Variants in TNPO1 observed in about 807,000 individuals in gnomAD.
TNPO1 encodes transportin-1.
Under a neutral mutation model 119.5 loss-of-function variants are expected in TNPO1, and 8 were observed. The ratio of observed to expected loss-of-function variants is 0.07; its 90% CI spans 0.04 to 0.12. The LOEUF (loss-of-function observed/expected upper bound fraction) is 0.12. Among genes scored for constraint, TNPO1 ranks in the 10% least tolerant of loss-of-function variants. The pLI, the probability that TNPO1 is intolerant of heterozygous loss-of-function variation, is 1.00. For missense variants in TNPO1, 576 were observed against 1,089.8 expected (o/e 0.53, Z 6.64); for synonymous variants, 362 against 363.0 (o/e 1.00, Z 0.03).
intron 1 of TNPO1, among the ~76,000 whole-genome samples, chr5:72,836,367 C>T (rs561573565): frequency 7.9e-5 from 12 of 152,334 alleles, no homozygotes; most frequent in African/African-American, 2.9e-4. Flanking sequence ...AGAGTTAGCA[C>T]CATGTAGACA....
intron 24 of TNPO1, among the ~76,000 whole-genome samples, chr5:72,907,638 A>G (rs942677047): frequency 3.9e-5 from 6 of 152,214 alleles, no homozygotes; most frequent in Non-Finnish European, 7.3e-5. Context: ...TTTTATCATT[A>G]AAACTGTTTA....
At chr5:72,837,018 G>A (rs547095206) in intron 1 of TNPO1, among the ~76,000 whole-genome samples, 1 of 152,308 alleles carries the variant, frequency 6.6e-6, no homozygotes, top group South Asian at 2.1e-4. Context: ...ATTGAGGCAT[G>A]TCATGCAGCT....
chr5:72,872,537 A>G, intron 6 of TNPO1, 102 bp from the exon 7 acceptor site: 1 of 701,062 alleles, frequency 1.4e-6, no homozygotes, highest in Non-Finnish European at 2.3e-6. Context: ...GTATATTGAT[A>G]GACATATCAT....
chr5:72,890,058 A>T, intron 14 of TNPO1, 101 bp downstream of exon 14: 1 of 1,335,326 alleles, frequency 7.5e-7, no homozygotes, highest in South Asian at 1.3e-5. Flanking sequence ...GGGAGATGTG[A>T]ATAGTTAGCG....
intron 6 of TNPO1, among the ~76,000 whole-genome samples, chr5:72,867,677 C>G (rs1747022716): frequency 6.6e-6 from 1 of 152,200 alleles, no homozygotes; most frequent in Non-Finnish European, 1.5e-5. Context: ...TTTCATACTT[C>G]CCTTACATTT....
At chr5:72,881,366 A>G (rs1580449063) in intron 9 of TNPO1, among the ~76,000 whole-genome samples, 1 of 152,014 alleles carries the variant, frequency 6.6e-6, no homozygotes, top group East Asian at 1.9e-4. Flanking sequence ...GCCTCGACCT[A>G]ATCTGATTCT....
chr5:72,904,871 TC>T (rs1750033568), intron 23 of TNPO1, among the ~76,000 whole-genome samples: 1 of 152,136 alleles, frequency 6.6e-6, no homozygotes, highest in Admixed American at 6.5e-5. Flanking sequence ...GACTCACAGT[TC>T]CATGTGGTTG....
intron 21 of TNPO1, 51 bp downstream of exon 21, chr5:72,900,132 TTCTC>T (rs760939356): frequency 2.7e-6 from 4 of 1,465,366 alleles, no homozygotes; most frequent in South Asian, 2.4e-5. Flanking sequence ...CACTCTTTCT[TTCTC>T]TATCTCACTT....
intron 1 of TNPO1, among the ~76,000 whole-genome samples, chr5:72,840,276 A>G (rs991594069): frequency 2.0e-5 from 3 of 152,156 alleles, no homozygotes; most frequent in Admixed American, 6.5e-5. Context: ...TTTGTTCATT[A>G]CTGTGTGATC....
intron 3 of TNPO1, among the ~76,000 whole-genome samples, chr5:72,852,113 G>A (rs974605187): frequency 6.6e-6 from 1 of 152,076 alleles, no homozygotes; most frequent in Non-Finnish European, 1.5e-5. Context: ...AGCAAAAAGT[G>A]GGATCATTCT....
intron 9 of TNPO1, among the ~76,000 whole-genome samples, chr5:72,881,177 C>T (rs1748216125): frequency 6.6e-6 from 1 of 152,090 alleles, no homozygotes; most frequent in Non-Finnish European, 1.5e-5. Flanking sequence ...GTGGCGCGAT[C>T]TCAGCTCACT....
At chr5:72,836,743 A>G (rs1376935187) in intron 1 of TNPO1, among the ~76,000 whole-genome samples, 1 of 152,162 alleles carries the variant, frequency 6.6e-6, no homozygotes, top group East Asian at 1.9e-4. Context: ...GCATCTTACT[A>G]TAAGCAGTCA....
chr5:72,830,928 T>C (rs1424668987), intron 1 of TNPO1, among the ~76,000 whole-genome samples: 1 of 152,186 alleles, frequency 6.6e-6, no homozygotes, highest in African/African-American at 2.4e-5. Context: ...TCATGAATGG[T>C]ATCTACCTTA....
At chr5:72,899,583 T>C (rs1749672533) in intron 20 of TNPO1, among the ~76,000 whole-genome samples, 1 of 152,174 alleles carries the variant, frequency 6.6e-6, no homozygotes, top group Non-Finnish European at 1.5e-5. Flanking sequence ...ACTGATATTT[T>C]CTCATGAAAA....
intron 6 of TNPO1, among the ~76,000 whole-genome samples, chr5:72,868,224 A>G (rs568329435): frequency 1.3e-5 from 2 of 152,070 alleles, no homozygotes; most frequent in Non-Finnish European, 2.9e-5. Flanking sequence ...CGAGGTCAGG[A>G]GATCGAGACC....
chr5:72,883,579 T>A (rs1188092221), intron 11 of TNPO1, among the ~76,000 whole-genome samples: 1 of 152,258 alleles, frequency 6.6e-6, no homozygotes, highest in Non-Finnish European at 1.5e-5. Flanking sequence ...CGGTTCATTT[T>A]GTAGCATTCA....
intron 2 of TNPO1, among the ~76,000 whole-genome samples, chr5:72,849,701 C>G (rs1390315605): frequency 6.6e-6 from 1 of 151,996 alleles, no homozygotes; most frequent in Admixed American, 6.6e-5. Context: ...TTTTTAAAGC[C>G]ATTTTGTTTG....
intron 14 of TNPO1, among the ~76,000 whole-genome samples, chr5:72,891,558 T>C (rs886683727): frequency 2.6e-5 from 4 of 152,164 alleles, no homozygotes; most frequent in Non-Finnish European, 5.9e-5. Context: ...ACTCTTTTTT[T>C]CAACAAGGAT....
chr5:72,841,831 T>C (rs1744929163), intron 1 of TNPO1, among the ~76,000 whole-genome samples: 2 of 152,144 alleles, frequency 1.3e-5, no homozygotes, highest in Non-Finnish European at 2.9e-5. Context: ...TTTTAGATCA[T>C]TGGATAGCTC....
Sources: allele counts gnomAD v4.1 joint callset (sites outside exome capture counted in the v4.1 genomes callset), GRCh38; gene constraint gnomAD v4.1.1; transcripts MANE v1.5; gene names NCBI Gene and HGNC (gene_info 2026-07-23, HGNC 2026-07-21).